KIF22: variants seen among roughly 807,000 people sequenced by gnomAD.
KIF22 encodes kinesin family member 22.
Under a neutral mutation model 73.0 loss-of-function variants are expected in KIF22, and 62 were observed. The ratio of observed to expected loss-of-function variants is 0.85; its 90% CI spans 0.69 to 1.05. The LOEUF is 1.05. Among genes scored for constraint, KIF22 ranks in the 50% least tolerant of loss-of-function variants. KIF22 has a pLI of 0.00. For synonymous variants in KIF22, 411 were observed against 340.1 expected, an observed-to-expected ratio of 1.21 and a Z score of -2.29; for missense variants, 854 against 870.1, an observed-to-expected ratio of 0.98 and a Z score of 0.23.
chr16:29,804,094 C>A (rs1485228925), intron 11 of KIF22, 29 bp downstream of exon 11: 1 of 1,576,146 alleles, frequency 6.3e-7, no homozygotes, highest in Non-Finnish European at 8.7e-7. Context: ...TTAGGCTACA[C>A]CTGGAGCCCA....
Position 29,803,490 on chromosome 16 carries a change from G to A in KIF22, c.1491G>A (p.Leu497=), listed in dbSNP as rs1899215356. Residue 497 remains leucine, a synonymous_variant, in exon 10 of 14, where the codon TTG becomes TTA. Coordinates refer to ENST00000160827, the MANE Select transcript of KIF22 (RefSeq NM_007317.3). Reference sequence around the variant, plus strand: ...AAAAAGAACTGGAGGCCAAGATGTTGGCCCAGAAGGCTGAGGAAAAGGAGA... The same window carrying A: ...AAAAAGAACTGGAGGCCAAGATGTTAGCCCAGAAGGCTGAGGAAAAGGAGA... ...TKQKELEAKM[L]AQKAEEKENH... is the part of the protein sequence containing the mutation. The A allele has an allele frequency of 6.2e-7, 1 of 1,614,188 alleles. No homozygotes were observed. The highest frequency in any genetic ancestry group is 8.5e-7 in the Non-Finnish European group (1 of 1,180,004).
chr16:29,800,823 A>G (rs1899113615), intron 8 of KIF22, among the ~76,000 whole-genome samples: 1 of 152,178 alleles, frequency 6.6e-6, no homozygotes, highest in Non-Finnish European at 1.5e-5. Context: ...TTGAATCACT[A>G]AAGTCTAAGA....
intron 11 of KIF22, chr16:29,804,332 G>A (rs1899262253): frequency 6.6e-6 from 4 of 601,570 alleles, no homozygotes; most frequent in South Asian, 4.0e-5. Context: ...GCTTAAGAGG[G>A]AAAACTTAGG....
At chr16:29,792,540 C>A in intron 1 of KIF22, 1 of 307,166 alleles carries the variant, frequency 3.3e-6, no homozygotes, top group Non-Finnish European at 4.8e-6. Flanking sequence ...CTTGTTCTCA[C>A]AGTTGGCAGT....
rs1899004186 is a variant in KIF22 at position 29,798,307 on chromosome 16, A to AC, written c.267-63dup. 1.8e-6 allele frequency: 2 copies of AC among 1,111,188 alleles called. No individual in the cohort carries two copies. Among genetic ancestry groups the AC allele is most frequent in the African/African-American group, 2.6e-5 (1 of 38,822 alleles). 68.8% of individuals were successfully genotyped at this position (1,111,188 alleles called of 1,614,324 possible). A position where few individuals can be genotyped will look rare whatever the true frequency, so the allele number is the denominator to read the frequency against. On this transcript the variant is annotated intron_variant, in intron 2 of 13. Transcript: ENST00000160827. The surrounding 1 kb of genome is among the most constrained non-coding windows in gnomAD (Gnocchi z 4.1). ...CCCTTACCCACCCCCACCCCACTCC[A>AC]CCCCTTACACACACACACACACACA...
At position 29,804,881 on chromosome 16, in the gene KIF22, C is replaced by T; in HGVS notation, c.1745C>T (p.Pro582Leu). The T allele has an allele frequency of 6.2e-7, 1 of 1,613,918 alleles. No homozygotes were observed. The change falls in exon 12 of 14, where the codon CCG becomes CTG. Residue 582 changes from proline (P) to leucine (L), a missense_variant. Physicochemically the swap from Pro to Leu is moderately conservative, Grantham distance 98. Coordinates refer to ENST00000160827, the MANE Select transcript of KIF22 (RefSeq NM_007317.3). The stretch of plus-strand genomic sequence containing the variant: ...GACTGCTGGGAGCTACAGATCAGCC[C>T]GGAGCTACTGGCTCATGGGCGCCAA... ...AEDCWELQIS[P>L]ELLAHGRQKI...
chr16:29,805,171 G>T lies in KIF22; in HGVS notation c.1947G>T (p.Leu649=). 2 of 1,614,092 alleles carry T rather than the reference G, an allele frequency of 1.2e-6. No homozygotes were observed. Among genetic ancestry groups the T allele is most frequent in the Non-Finnish European group, 1.7e-6 (2 of 1,180,022 alleles). The change falls in exon 13 of 14, where the codon CTG becomes CTT. Residue 649 remains leucine, a synonymous_variant. Transcript: ENST00000160827. ...CGGGGAAACAGATGGAGTCCTTCCT[G>T]AAGGTGAAGTCACGGCCCTGCCCCT... ...GITGKQMESF[L]KANILGLAAG...
intron 11 of KIF22, chr16:29,804,435 G>T (rs1049527489): frequency 6.4e-6 from 4 of 626,422 alleles, no homozygotes; most frequent in Non-Finnish European, 1.2e-5. Flanking sequence ...TGAGATGGTT[G>T]GGGGAGGTAT....
chr16:29,791,418 A>G (rs922008578), intron 1 of KIF22: 15 of 219,798 alleles, frequency 6.8e-5, no homozygotes, highest in Non-Finnish European at 1.1e-4. Flanking sequence ...AGTGAATGCT[A>G]TTTTAGGGTT....
chr16:29,799,966 A>G lies in KIF22; in HGVS notation c.1198A>G (p.Lys400Glu), dbSNP rs1899080454. The G allele has an allele frequency of 3.7e-6, 6 of 1,614,174 alleles. No homozygotes were observed. Among genetic ancestry groups the G allele is most frequent in the African/African-American group, 1.3e-5 (1 of 75,054 alleles). Residue 400 changes from lysine to glutamate, a missense_variant, in exon 8 of 14, where the codon AAG (lysine) becomes GAG (glutamate). Lys to Glu is a moderately conservative substitution (Grantham distance 56, BLOSUM62 1). Coordinates refer to ENST00000160827, the MANE Select transcript of KIF22 (RefSeq NM_007317.3). ...AGAATTGCTTGGTCCACCAGAGGCA[A>G]AGAGAGCCCGAGGCCCTGAGGAAGA... The part of the protein sequence containing the change: ...QKELLGPPEA[K>E]RARGPEEEEI...
chr16:29,790,985 G>A (rs1898797832), intron 1 of KIF22, 156 bp downstream of exon 1: 1 of 1,463,968 alleles, frequency 6.8e-7, no homozygotes, highest in East Asian at 2.6e-5. Flanking sequence ...GGGGTCGCGA[G>A]CCGGTCGCCC....
In KIF22 at chr16:29,796,883, T is replaced by G. The variant is rs1296430510; in HGVS notation, c.71-10T>G. On this transcript the variant is annotated splice_polypyrimidine_tract_variant and intron_variant, in intron 1 of 13. Coordinates refer to ENST00000160827, the MANE Select transcript of KIF22 (RefSeq NM_007317.3). Reference sequence around the variant, plus strand: ...TACTTCATGTCTAAAAGTGATCTTCTCTCCTCCAGGAGCTGGTCGCTGTCG... The same window carrying G: ...TACTTCATGTCTAAAAGTGATCTTCGCTCCTCCAGGAGCTGGTCGCTGTCG... The G allele has an allele frequency of 6.2e-7, 1 of 1,613,444 alleles. No individual in the cohort carries two copies. Among genetic ancestry groups the G allele is most frequent in the Non-Finnish European group, 8.5e-7 (1 of 1,179,646 alleles).
chr16:29,792,558 A>G, intron 1 of KIF22: 1 of 213,566 alleles, frequency 4.7e-6, no homozygotes. Context: ...AGTCAGGTGG[A>G]GAAAGTGACA....
Position 29,797,555 on chromosome 16 carries a change from A to G in KIF22, c.266+467A>G, listed in dbSNP as rs892464738. 2.1e-4 allele frequency among the ~76,000 whole-genome samples: 32 copies of G among 152,276 alleles called. No individual in the cohort carries two copies. Among genetic ancestry groups the G allele is most frequent in the Middle Eastern group, 3.4e-3 (1 of 294 alleles). On this transcript the variant is annotated intron_variant, in intron 2 of 13. Transcript: ENST00000160827. This position sits in a 1 kb window ranked among gnomAD's most constrained non-coding sequence, Gnocchi z 4.1. ...TTTTCTAGGCGGGGGCTGGCAAACC[A>G]TGGCCTGCAGGTCAAATCTGATCAG...
chr16:29,799,485 C>A lies in KIF22; in HGVS notation c.981C>A (p.Arg327=), dbSNP rs768886234. 1 of 1,614,084 alleles carries A rather than the reference C, an allele frequency of 6.2e-7. No homozygotes were observed. The highest frequency in any genetic ancestry group is 1.7e-5 in the Admixed American group (1 of 60,016). Residue 327 remains arginine, a synonymous_variant, in exon 6 of 14, where the codon CGC becomes CGA. Transcript: ENST00000160827. ...RVPYRDSKLT[R]LLQDSLGGSA... is the part of the protein sequence containing the mutation. ...CTTATCGGGACAGCAAGCTCACTCG[C>A]CTATTGCAGGTCAGGCCCACCTGTC... is the stretch of plus-strand genomic sequence containing the variant.
In KIF22 at chr16:29,804,938, C is replaced by A; in HGVS notation, c.1802C>A (p.Ala601Asp). 6.2e-7 allele frequency: 1 copy of A among 1,609,408 alleles called. No individual in the cohort carries two copies. Among genetic ancestry groups the A allele is most frequent in the African/African-American group, 1.4e-5 (1 of 73,768 alleles). Residue 601 changes from alanine (A) to aspartate (D), a missense_variant, in exon 12 of 14, where the codon GCC (alanine) becomes GAC (aspartate). This residue lies in a region of KIF22 where 423 missense variants were observed against 365.4 expected (regional missense o/e 1.16). Coordinates refer to ENST00000160827, the MANE Select transcript of KIF22 (RefSeq NM_007317.3). ...KILDLLNEGS[A>D]RDLRSLQRIG... is the part of the protein sequence containing the mutation. ...CTGGATCTGCTGAACGAAGGCTCAG[C>A]CCGAGATCTCCGCAGTCTTCAGCGC...
At chr16:29,804,467 C>G in intron 11 of KIF22, 1 of 646,950 alleles carries the variant, frequency 1.5e-6, no homozygotes, top group Non-Finnish European at 2.8e-6. Flanking sequence ...ATTACTTTCT[C>G]CCATGTACTT....
chr16:29,798,796 G>A lies in KIF22; in HGVS notation c.549+49G>A. ...GAGGAGCAACAAAGGGTCAAAGTAAGACCTGGTTCTAGAACATGAAGCTCT... is the reference window on the plus strand; with the variant it reads ...GAGGAGCAACAAAGGGTCAAAGTAAAACCTGGTTCTAGAACATGAAGCTCT... On this transcript the variant is annotated intron_variant, in intron 4 of 13. Coordinates refer to ENST00000160827, the MANE Select transcript of KIF22 (RefSeq NM_007317.3). This position sits in a 1 kb window ranked among gnomAD's most constrained non-coding sequence, Gnocchi z 4.1. 2 of 1,597,204 alleles carry A rather than the reference G, an allele frequency of 1.3e-6. No individual in the cohort carries two copies. Among genetic ancestry groups the A allele is most frequent in the Admixed American group, 1.7e-5 (1 of 57,264 alleles).
chr16:29,798,477 C>T lies in KIF22; in HGVS notation c.370C>T (p.Leu124Phe). 1 of 1,614,182 alleles carries T rather than the reference C, an allele frequency of 6.2e-7. No homozygotes were observed. Among genetic ancestry groups the T allele is most frequent in the Non-Finnish European group, 8.5e-7 (1 of 1,180,046 alleles). Reference sequence around the variant, plus strand: ...GCTGGAAGGGCAGAATGCCAGTGTGCTTGCCTATGGACCCACAGGAGCTGG... The same window carrying T: ...GCTGGAAGGGCAGAATGCCAGTGTGTTTGCCTATGGACCCACAGGAGCTGG... ...HLLEGQNASV[L>F]AYGPTGAGKT... The change falls in exon 3 of 14, where the codon CTT becomes TTT. Residue 124 changes from leucine (L) to phenylalanine (F), a missense_variant. Coordinates refer to ENST00000160827, the MANE Select transcript of KIF22 (RefSeq NM_007317.3). The surrounding 1 kb of genome is among the most constrained non-coding windows in gnomAD (Gnocchi z 4.1).
Sources: allele counts gnomAD v4.1 joint callset (sites outside exome capture counted in the v4.1 genomes callset), GRCh38; gene constraint gnomAD v4.1.1; regional missense constraint gnomAD v4.1.1; non-coding constraint Gnocchi (gnomAD v3.1); transcripts MANE v1.5; gene names NCBI Gene and HGNC (gene_info 2026-07-23, HGNC 2026-07-21).